The following CHN1 variants were observed in gnomAD, a reference collection of about 807,000 sequenced individuals.
The protein encoded by CHN1 is N-chimaerin.
A neutral mutation model predicts 59.5 loss-of-function variants in CHN1; 37 were observed. The observed-to-expected ratio is 0.62, with a 90% CI of 0.48 to 0.82. The LOEUF (loss-of-function observed/expected upper bound fraction) is 0.82, where lower values mean the gene tolerates loss of function less well. Ranked by LOEUF, CHN1 falls within the 40% of genes least tolerant of loss-of-function variation. CHN1 has a pLI of 0.00. For synonymous variants in CHN1, 206 were observed against 200.4 expected (o/e 1.03, Z -0.24); for missense variants, 469 against 571.0 (o/e 0.82, Z 1.82).
intron 7 of CHN1, among the ~76,000 whole-genome samples, chr2:174,827,795 G>A (rs1369843683): frequency 2.6e-5 from 4 of 152,160 alleles, no homozygotes; most frequent in Admixed American, 6.5e-5. Flanking sequence ...CAGAGGCAAC[G>A]GAGAGGGAAA....
chr2:174,865,449 C>T (rs1391364401), intron 6 of CHN1, among the ~76,000 whole-genome samples: 1 of 152,106 alleles, frequency 6.6e-6, no homozygotes, highest in Non-Finnish European at 1.5e-5. Flanking sequence ...TTAAGACAGC[C>T]CCCTAGAATA....
At chr2:174,954,595 A>C (rs1184347002) in intron 1 of CHN1, among the ~76,000 whole-genome samples, 1 of 152,200 alleles carries the variant, frequency 6.6e-6, no homozygotes. Flanking sequence ...ACAAATCAGC[A>C]AGAACAAAAC....
At chr2:174,956,579 T>C (rs1179931911) in intron 1 of CHN1, among the ~76,000 whole-genome samples, 2 of 151,962 alleles carry the variant, frequency 1.3e-5, no homozygotes, top group South Asian at 4.2e-4. Context: ...GAGACCAGCC[T>C]TGGCCAACAT....
intron 1 of CHN1, among the ~76,000 whole-genome samples, chr2:174,963,907 C>A (rs1690505566): frequency 6.6e-6 from 1 of 152,130 alleles, no homozygotes; most frequent in Non-Finnish European, 1.5e-5. Context: ...CATGTCTAAG[C>A]TAGGTTCTGT....
chr2:174,987,481 C>T (rs994179403), intron 1 of CHN1, among the ~76,000 whole-genome samples: 8 of 151,274 alleles, frequency 5.3e-5, no homozygotes, highest in African/African-American at 1.9e-4. Context: ...AATCTCGGCT[C>T]ACTGCAACCT....
chr2:174,847,773 C>CAATAAAAAAAAA, intron 6 of CHN1: 1 of 233,644 alleles, frequency 4.3e-6, no homozygotes, highest in Non-Finnish European at 7.5e-6. Context: ...TGGCTCAAGG[C>CAATAAAAAAAAA]AAAAAAAAAA....
chr2:174,980,480 C>T (rs1164602985), intron 1 of CHN1, among the ~76,000 whole-genome samples: 1 of 152,034 alleles, frequency 6.6e-6, no homozygotes, highest in Non-Finnish European at 1.5e-5. Context: ...AGTCTTTTTT[C>T]CCGTTTTTAA....
intron 1 of CHN1, among the ~76,000 whole-genome samples, chr2:174,988,405 T>C (rs989113168): frequency 1.3e-5 from 2 of 151,218 alleles, no homozygotes; most frequent in Admixed American, 1.3e-4. Flanking sequence ...TAGGTGAACA[T>C]TTTGGCCAAG....
chr2:174,910,205 T>TA (rs1370213541), intron 5 of CHN1, among the ~76,000 whole-genome samples: 1 of 152,216 alleles, frequency 6.6e-6, no homozygotes, highest in East Asian at 1.9e-4. Flanking sequence ...TCTATAGTTT[T>TA]AGTGAAATAC....
chr2:174,843,608 G>GT (rs1210107161), intron 7 of CHN1, among the ~76,000 whole-genome samples: 2 of 151,354 alleles, frequency 1.3e-5, no homozygotes, highest in African/African-American at 4.9e-5. Flanking sequence ...TCATGCTAAG[G>GT]TTTTCAATCA....
intron 7 of CHN1, among the ~76,000 whole-genome samples, chr2:174,843,570 G>C (rs1458220092): frequency 6.6e-6 from 1 of 151,964 alleles, no homozygotes; most frequent in Non-Finnish European, 1.5e-5. Context: ...ATCTAACTCT[G>C]CCTGACAACT....
At chr2:174,840,471 C>T (rs941263562) in intron 7 of CHN1, among the ~76,000 whole-genome samples, 1 of 152,066 alleles carries the variant, frequency 6.6e-6, no homozygotes, top group Non-Finnish European at 1.5e-5. Flanking sequence ...TGGCCCCAAA[C>T]CCTTCCTATG....
At chr2:174,935,421 T>C (rs529342777) in intron 3 of CHN1, among the ~76,000 whole-genome samples, 1 of 152,348 alleles carries the variant, frequency 6.6e-6, no homozygotes, top group East Asian at 1.9e-4. Flanking sequence ...ACACATTTTG[T>C]AAGCCATATT....
intron 1 of CHN1, 43 bp downstream of exon 1, chr2:175,004,851 A>C (rs1253561009): frequency 6.2e-6 from 8 of 1,285,102 alleles, no homozygotes; most frequent in Non-Finnish European, 7.1e-6. Flanking sequence ...GAGCCCCGGG[A>C]CGCGGCCCAC....
chr2:174,866,003 C>A (rs1047645574), intron 6 of CHN1, among the ~76,000 whole-genome samples: 3 of 152,118 alleles, frequency 2.0e-5, no homozygotes, highest in African/African-American at 7.2e-5. Context: ...AGACTAGGAT[C>A]CAGATCTCTT....
intron 1 of CHN1, among the ~76,000 whole-genome samples, chr2:174,978,186 T>C (rs1691014797): frequency 6.6e-6 from 1 of 152,246 alleles, no homozygotes; most frequent in Admixed American, 6.5e-5. Context: ...TCAAGGTTCA[T>C]GCATTGCTTT....
rs545844207 is a variant in CHN1, at chr2:174,854,334, G to A, written c.550-7377C>T. The stretch of plus-strand genomic sequence containing the variant: ...ACTGAAAAGAAAAAAAAAAGGTAAG[G>A]GGTGGGGTAGAGGAGCAGTGTGAGG... On this transcript the variant is annotated intron_variant, in intron 6 of 12. Coordinates refer to ENST00000409900, the MANE Select transcript of CHN1 (RefSeq NM_001822.7). 5.7e-4 allele frequency among the ~76,000 whole-genome samples: 87 copies of A among 152,136 alleles called. No individual in the cohort carries two copies. The South Asian group carries it at 0.015, about 27-fold the overall frequency.
At position 174,846,933 on chromosome 2, in the gene CHN1, T is replaced by C. The variant is rs1367776948; in HGVS notation, c.574A>G (p.Thr192Ala). Reference protein sequence around the residue: ...KRLTSLVRRATLKENEQIPKY... With the variant: ...KRLTSLVRRAALKENEQIPKY... The stretch of plus-strand genomic sequence containing the variant: ...GGAATTTGCTCGTTTTCTTTCAGAG[T>C]TGCTCTTCTAACAAGTGATGTCAAC... The change falls in exon 7 of 13, where the codon ACT (threonine) becomes GCT (alanine). Residue 192 changes from threonine (T) to alanine (A), a missense_variant. Transcript: ENST00000409900. 5 of 1,553,858 alleles carry C rather than the reference T, an allele frequency of 3.2e-6. No individual in the cohort carries two copies. Among genetic ancestry groups the C allele is most frequent in the South Asian group, 2.4e-5 (2 of 84,144 alleles).
At chr2:174,956,148 T>G (rs1260483403) in intron 1 of CHN1, among the ~76,000 whole-genome samples, 2 of 152,292 alleles carry the variant, frequency 1.3e-5, no homozygotes, top group East Asian at 3.9e-4. Context: ...ACAAGTAGAC[T>G]TCTCACTAGA....
Sources: allele counts gnomAD v4.1 joint callset (sites outside exome capture counted in the v4.1 genomes callset), GRCh38; gene constraint gnomAD v4.1.1; transcripts MANE v1.5; gene names NCBI Gene and HGNC (gene_info 2026-07-23, HGNC 2026-07-21).